STK26: variants seen among roughly 807,000 people sequenced by gnomAD.
The protein encoded by STK26 is serine/threonine-protein kinase 26.
In STK26, 14 loss-of-function variants were observed where a neutral mutation model predicts 34.7. The observed-to-expected ratio is 0.40, with a 90% CI of 0.27 to 0.63. The LOEUF (loss-of-function observed/expected upper bound fraction) is 0.63, where lower values mean the gene tolerates loss of function less well. Ranked by LOEUF, STK26 falls within the 30% of genes least tolerant of loss-of-function variation. The pLI is 0.38. For missense variants in STK26, 226 were observed against 309.1 expected (o/e 0.73, Z 2.02); for synonymous variants, 100 against 109.8 (o/e 0.91, Z 0.56).
At chrX:132,031,008 T>A (rs765018420) in intron 2 of STK26, among the ~76,000 whole-genome samples, 1 of 111,025 alleles carries the variant, frequency 9.0e-6, no homozygotes, top group South Asian at 3.9e-4. Flanking sequence ...ACAATCACAG[T>A]TTACTGCAGC....
chrX:132,028,455 C>G (rs769114397), intron 2 of STK26, among the ~76,000 whole-genome samples: 1 of 111,143 alleles, frequency 9.0e-6, no homozygotes, highest in African/African-American at 3.3e-5. Flanking sequence ...AATGGGATGA[C>G]AAAGTACATA....
At chrX:132,070,938 AGT>A (rs1423370868) in intron 7 of STK26, 129 bp from the exon 8 acceptor site, 7 of 629,873 alleles carry the variant, frequency 1.1e-5, no homozygotes, top group Middle Eastern at 1.1e-3. Context: ...ACAGCATTTT[AGT>A]TGTTCTTATG....
chrX:132,058,173 G>A (rs1470196620), intron 3 of STK26, among the ~76,000 whole-genome samples: 5 of 110,908 alleles, frequency 4.5e-5, no homozygotes, highest in South Asian at 3.8e-4. Context: ...GAGTGATTAC[G>A]CAGTCTCAGT....
At chrX:132,051,452 T>G (rs185373675) in intron 2 of STK26, among the ~76,000 whole-genome samples, 58 of 111,647 alleles carry the variant, frequency 5.2e-4, no homozygotes, top group African/African-American at 1.9e-3. Context: ...TAAGTCAATA[T>G]GAGCTTAATT....
At chrX:132,037,319 T>C (rs1266214788) in intron 2 of STK26, among the ~76,000 whole-genome samples, 1 of 111,919 alleles carries the variant, frequency 8.9e-6, no homozygotes, top group Non-Finnish European at 1.9e-5. Context: ...TTTAAATTCT[T>C]AGTATTCCTG....
intron 2 of STK26, among the ~76,000 whole-genome samples, chrX:132,040,151 A>G (rs1321652563): frequency 1.8e-5 from 2 of 112,629 alleles, no homozygotes; most frequent in Non-Finnish European, 3.8e-5. Context: ...AGAGACTCAG[A>G]GACTGTAAAG....
At chrX:132,043,901 C>T (rs1926353410) in intron 2 of STK26, among the ~76,000 whole-genome samples, 1 of 111,678 alleles carries the variant, frequency 9.0e-6, no homozygotes, top group Non-Finnish European at 1.9e-5. Flanking sequence ...TTTTGCAACA[C>T]AAATAACTGT....
At chrX:132,029,544 A>G (rs956790230) in intron 2 of STK26, among the ~76,000 whole-genome samples, 22 of 109,534 alleles carry the variant, frequency 2.0e-4, no homozygotes, top group African/African-American at 6.7e-4. Context: ...TTGAAACCCA[A>G]TCACCACCCC....
intron 2 of STK26, among the ~76,000 whole-genome samples, chrX:132,049,624 T>C (rs1021931998): frequency 8.9e-6 from 1 of 112,045 alleles, no homozygotes; most frequent in Non-Finnish European, 1.9e-5. Context: ...TCTGTGATTG[T>C]CAGGGCACTT....
At chrX:132,064,812 C>T in intron 4 of STK26, among the ~76,000 whole-genome samples, 1 of 111,640 alleles carries the variant, frequency 9.0e-6, no homozygotes, top group African/African-American at 3.2e-5. Context: ...TTAAAATAAT[C>T]AAGTAATATT....
At chrX:132,023,970 G>C (rs1028667489) in intron 2 of STK26, among the ~76,000 whole-genome samples, 3 of 110,826 alleles carry the variant, frequency 2.7e-5, no homozygotes, top group Admixed American at 1.9e-4. Flanking sequence ...GGTTGGGGAT[G>C]GGGGGGCGGA....
intron 2 of STK26, among the ~76,000 whole-genome samples, chrX:132,045,081 C>G (rs1926452232): frequency 9.3e-6 from 1 of 107,747 alleles, no homozygotes; most frequent in East Asian, 2.9e-4. Flanking sequence ...TTGACTTCCT[C>G]CGGGATAGTC....
chrX:132,023,548 C>T lies in STK26; in HGVS notation c.-70C>T, dbSNP rs1171246865. ...CCTGGGAGGGCCGCCGAACTACCCC[C>T]GGAGGGAGGAGCCAGTCCGAACCCA... On this transcript the variant is annotated 5_prime_UTR_variant, in exon 2 of 12. Coordinates refer to ENST00000394334, the MANE Select transcript of STK26 (RefSeq NM_016542.4). 6 of 1,142,421 alleles carry T rather than the reference C, an allele frequency of 5.3e-6. No homozygotes were observed. The highest frequency in any genetic ancestry group is 7.0e-6 in the Non-Finnish European group (6 of 851,570). 94.1% of individuals were successfully genotyped at this position (1,142,421 alleles called of 1,213,427 possible). A position where few individuals can be genotyped will look rare whatever the true frequency, so the allele number is the denominator to read the frequency against.
chrX:132,075,869 C>G lies in STK26; in HGVS notation c.*1710C>G, dbSNP rs1235456741. 2 of 111,734 alleles carry G rather than the reference C, an allele frequency of 1.8e-5. No homozygotes were observed. The highest frequency in any genetic ancestry group is 3.8e-5 in the Non-Finnish European group (2 of 52,971). 9.2% of individuals were successfully genotyped at this position (111,734 alleles called of 1,213,427 possible). On this transcript the variant is annotated 3_prime_UTR_variant, in exon 12 of 12. Transcript: ENST00000394334. ...TGCTTATTCATTATAGCTATTCGTC[C>G]TGTAATCTGTTTCTAGGTGAAGCAT...
intron 4 of STK26, among the ~76,000 whole-genome samples, chrX:132,067,320 A>C (rs1927255498): frequency 9.0e-6 from 1 of 111,589 alleles, no homozygotes; most frequent in African/African-American, 3.3e-5. Flanking sequence ...TTTGATTTTC[A>C]CCACCTCTTC....
chrX:132,031,259 G>T (rs5933048), intron 2 of STK26, among the ~76,000 whole-genome samples: 38,047 of 110,838 alleles, frequency 0.34, 5,126 homozygotes, highest in African/African-American at 0.44. Flanking sequence ...TCAATATATG[G>T]ATATGATGTG....
chrX:132,067,465 A>G (rs1927259379), intron 4 of STK26, among the ~76,000 whole-genome samples: 1 of 111,948 alleles, frequency 8.9e-6, no homozygotes, highest in Non-Finnish European at 1.9e-5. Context: ...TTTATTTTAA[A>G]GAGGGATTTT....
chrX:132,055,370 T>C, intron 3 of STK26: 3 of 828,362 alleles, frequency 3.6e-6, no homozygotes, highest in Admixed American at 2.7e-5. Flanking sequence ...ATCTTAAGCA[T>C]GTGGTAAATA....
chrX:132,034,416 C>A (rs1257655186), intron 2 of STK26, among the ~76,000 whole-genome samples: 1 of 97,881 alleles, frequency 1.0e-5, no homozygotes, highest in Non-Finnish European at 2.0e-5. Context: ...ACGCCATTCT[C>A]CTGCCTCAGC....
Sources: allele counts gnomAD v4.1 joint callset (sites outside exome capture counted in the v4.1 genomes callset), GRCh38; gene constraint gnomAD v4.1.1; transcripts MANE v1.5; gene names NCBI Gene and HGNC (gene_info 2026-07-23, HGNC 2026-07-21).